The following KAZN variants were observed in gnomAD, a reference collection of about 807,000 sequenced individuals.
KAZN encodes kazrin.
Under a neutral mutation model 87.4 loss-of-function variants are expected in KAZN, and 40 were observed. The observed-to-expected ratio is 0.46, with a 90% CI of 0.36 to 0.60. The LOEUF (loss-of-function observed/expected upper bound fraction) is 0.60, where lower values mean the gene tolerates loss of function less well. Ranked by LOEUF, KAZN falls within the 20% of genes least tolerant of loss-of-function variation. The pLI is 0.00. For missense variants in KAZN, 898 were observed against 1,073.9 expected, an observed-to-expected ratio of 0.84 and a Z score of 2.29; for synonymous variants, 466 against 458.3, an observed-to-expected ratio of 1.02 and a Z score of -0.22.
At chr1:14,791,403 T>C (rs1645670463) in intron 1 of KAZN, among the ~76,000 whole-genome samples, 1 of 152,156 alleles carries the variant, frequency 6.6e-6, no homozygotes, top group Non-Finnish European at 1.5e-5. Flanking sequence ...GACACAACTC[T>C]TTCCAAACTC....
intron 2 of KAZN, among the ~76,000 whole-genome samples, chr1:14,556,991 G>A (rs572332576): frequency 2.6e-5 from 4 of 152,324 alleles, no homozygotes; most frequent in Non-Finnish European, 5.9e-5. Flanking sequence ...CTCAAGAGCT[G>A]TAGGTGGGTA....
rs538629709 is a variant in KAZN at position 14,910,989 on chromosome 1, G to A, written c.227-49695G>A. ...TTCCTATAGACCAAGCTTCCATCCC[G>A]GAGGCATGGGCAGCTCACACCACTC... On this transcript the variant is annotated intron_variant, in intron 1 of 14. Coordinates refer to ENST00000376030, the MANE Select transcript of KAZN (RefSeq NM_201628.3). 1.2e-4 allele frequency among the ~76,000 whole-genome samples: 19 copies of A among 152,272 alleles called. 2 individuals carry two copies. The South Asian group carries it at 3.5e-3, about 28-fold the overall frequency.
chr1:14,006,908 A>G (rs1186456455), intron 1 of KAZN, among the ~76,000 whole-genome samples: 1 of 152,090 alleles, frequency 6.6e-6, no homozygotes, highest in African/African-American at 2.4e-5. Flanking sequence ...GTGGGTCTCT[A>G]TGTTGCTTTG....
At chr1:15,089,560 G>A (rs1640430102) in intron 8 of KAZN, among the ~76,000 whole-genome samples, 1 of 152,048 alleles carries the variant, frequency 6.6e-6, no homozygotes, top group Admixed American at 6.6e-5. Flanking sequence ...ACAATAGCCA[G>A]CCTTGACTAA....
At chr1:14,865,010 G>A (rs1651292003) in intron 1 of KAZN, among the ~76,000 whole-genome samples, 1 of 152,140 alleles carries the variant, frequency 6.6e-6, no homozygotes. Flanking sequence ...TTGCTTGTTG[G>A]ATAAAATAGC....
At chr1:14,552,366 G>A (rs1042718132) in intron 2 of KAZN, among the ~76,000 whole-genome samples, 5 of 152,180 alleles carry the variant, frequency 3.3e-5, no homozygotes, top group African/African-American at 9.6e-5. Flanking sequence ...GCTGGGAGCC[G>A]CCTGCAGGGA....
chr1:15,070,966 C>T (rs577546358), intron 8 of KAZN, among the ~76,000 whole-genome samples: 2 of 152,328 alleles, frequency 1.3e-5, no homozygotes, highest in East Asian at 1.9e-4. Context: ...AAATATGCCC[C>T]GGTCCCTGGC....
intron 1 of KAZN, among the ~76,000 whole-genome samples, chr1:14,822,989 T>C (rs1646779761): frequency 6.6e-6 from 1 of 152,118 alleles, no homozygotes; most frequent in South Asian, 2.1e-4. Context: ...CACCATCCTA[T>C]GGGGAAGGGG....
At chr1:13,966,775 T>A (rs1641962612) in intron 1 of KAZN, among the ~76,000 whole-genome samples, 1 of 152,250 alleles carries the variant, frequency 6.6e-6, no homozygotes, top group African/African-American at 2.4e-5. Context: ...AGGAATTTTT[T>A]ATAATTTTTT....
intron 1 of KAZN, among the ~76,000 whole-genome samples, chr1:14,179,012 A>G (rs1354912325): frequency 2.6e-5 from 4 of 152,176 alleles, no homozygotes; most frequent in Non-Finnish European, 4.4e-5. Flanking sequence ...GCTGGTGAGC[A>G]TGTCAACAAT....
rs3033520 is a variant in KAZN, at chr1:14,871,649, AGTGT to A, written c.227-89005_227-89002del. Among the ~76,000 whole-genome samples the A allele has an allele frequency of 6.0e-3, 872 of 144,636 alleles. 7 individuals carry two copies. The highest frequency in any genetic ancestry group is 0.019 in the Admixed American group (277 of 14,486). The allele number at this position is 144,636 out of a possible 152,430, so 94.9% of individuals were successfully genotyped here. A position where few individuals can be genotyped will look rare whatever the true frequency, so the allele number is the denominator to read the frequency against. On this transcript the variant is annotated intron_variant, in intron 1 of 14. Coordinates refer to ENST00000376030, the MANE Select transcript of KAZN (RefSeq NM_201628.3). ...AGCCTGAGACATCTACATGAGCAGCAGTGTGTGTGTGTGTGTGTGTGTGTGTGTG... is the reference window on the plus strand; with the variant it reads ...AGCCTGAGACATCTACATGAGCAGCAGTGTGTGTGTGTGTGTGTGTGTGTG...
At chr1:13,920,706 G>A (rs1640033904) in intron 1 of KAZN, among the ~76,000 whole-genome samples, 1 of 152,118 alleles carries the variant, frequency 6.6e-6, no homozygotes, top group Non-Finnish European at 1.5e-5. Flanking sequence ...TTATTGAGGG[G>A]TTGGGATGTC....
At chr1:14,316,658 C>T (rs367674903) in intron 2 of KAZN, among the ~76,000 whole-genome samples, 73 of 151,858 alleles carry the variant, frequency 4.8e-4, no homozygotes, top group Admixed American at 2.1e-3. Context: ...TTAAGCTATT[C>T]GTTTTTCTTT....
chr1:14,716,784 G>A (rs1642819499), intron 1 of KAZN, among the ~76,000 whole-genome samples: 1 of 152,116 alleles, frequency 6.6e-6, no homozygotes, highest in South Asian at 2.1e-4. Flanking sequence ...TGAATCCTCT[G>A]CAATCCCAGA....
chr1:14,365,380 G>GGC (rs1553162557), intron 2 of KAZN, among the ~76,000 whole-genome samples: 41 of 135,936 alleles, frequency 3.0e-4, no homozygotes, highest in Non-Finnish European at 4.1e-4. Context: ...GGGGGGGGGG[G>GGC]GGTCTTTCAA....
chr1:15,093,864 C>T (rs990766793), intron 8 of KAZN, among the ~76,000 whole-genome samples: 7 of 152,182 alleles, frequency 4.6e-5, no homozygotes, highest in South Asian at 4.1e-4. Context: ...ACCCAGTTCC[C>T]GGCTTGACTT....
chr1:14,197,445 T>C (rs1646551067), intron 2 of KAZN, among the ~76,000 whole-genome samples: 1 of 149,704 alleles, frequency 6.7e-6, no homozygotes, highest in Non-Finnish European at 1.5e-5. Flanking sequence ...TCCCAGCACT[T>C]TGGGAGGTGA....
chr1:14,672,814 A>ATACACCAT (rs1267780443), intron 1 of KAZN, among the ~76,000 whole-genome samples: 1 of 152,130 alleles, frequency 6.6e-6, no homozygotes, highest in Non-Finnish European at 1.5e-5. Flanking sequence ...ACCATACACC[A>ATACACCAT]ACAGCCACCT....
At chr1:14,064,810 A>T (rs539599018) in intron 1 of KAZN, among the ~76,000 whole-genome samples, 1 of 151,920 alleles carries the variant, frequency 6.6e-6, no homozygotes, top group East Asian at 1.9e-4. Flanking sequence ...TCGGTGGTGG[A>T]GTTTGGGAAG....
Sources: allele counts gnomAD v4.1 joint callset (sites outside exome capture counted in the v4.1 genomes callset), GRCh38; gene constraint gnomAD v4.1.1; transcripts MANE v1.5; gene names NCBI Gene and HGNC (gene_info 2026-07-23, HGNC 2026-07-21).